TAOK1: variants seen among roughly 807,000 people sequenced by gnomAD.
TAOK1 encodes TAO kinase 1.
TAOK1 carries 21 observed loss-of-function variants against 138.3 expected under a neutral mutation model. The observed-to-expected ratio is 0.15, with a 90% confidence interval of 0.11 to 0.22. The LOEUF (loss-of-function observed/expected upper bound fraction) is 0.22. Ranked by LOEUF, TAOK1 falls within the 10% of genes least tolerant of loss-of-function variation. The pLI is 1.00. For missense variants in TAOK1, 651 were observed against 1,227.7 expected, an observed-to-expected ratio of 0.53 and a Z score of 7.02; for synonymous variants, 361 against 398.4, an observed-to-expected ratio of 0.91 and a Z score of 1.12.
rs1395092656 is a variant in TAOK1, at chr17:29,550,787, GA to G, written c.*7766del. 1 of 152,270 alleles carries G rather than the reference GA, an allele frequency of 6.6e-6. No homozygotes were observed. Among genetic ancestry groups the G allele is most frequent in the East Asian group, 1.9e-4 (1 of 5,174 alleles). 9.4% of individuals were successfully genotyped at this position (152,270 alleles called of 1,614,324 possible). On this transcript the variant is annotated 3_prime_UTR_variant, in exon 20 of 20. Transcript: ENST00000261716. The stretch of plus-strand genomic sequence containing the variant: ...TCCCTTTGTTTTCCTCAAACAGCAT[GA>G]TTTTTTTGCACATGTAGAAATTTTT...
chr17:29,475,050 C>T (rs900580670), intron 3 of TAOK1, among the ~76,000 whole-genome samples: 6 of 152,042 alleles, frequency 3.9e-5, no homozygotes, highest in Non-Finnish European at 7.4e-5. Context: ...AAGCTATTCT[C>T]CTGCCTCAGC....
At position 29,489,725 on chromosome 17, in the gene TAOK1, A is replaced by G. The variant is rs763897466; in HGVS notation, c.717A>G (p.Gln239=). The G allele has an allele frequency of 7.4e-6, 12 of 1,611,156 alleles. No individual in the cohort carries two copies. In the South Asian group the frequency reaches 1.3e-4, roughly 18 times the overall value. ...TGAGTGCCTTATATCACATAGCCCA[A>G]AATGAATCCCCTACACTACAGTCTA... ...NAMSALYHIA[Q]NESPTLQSNE... is the part of the protein sequence containing the mutation. The change falls in exon 9 of 20, where the codon CAA becomes CAG. Residue 239 remains glutamine, a synonymous_variant. Coordinates refer to ENST00000261716, the MANE Select transcript of TAOK1 (RefSeq NM_020791.4).
chr17:29,528,578 G>A (rs1476713041), intron 17 of TAOK1, among the ~76,000 whole-genome samples: 1 of 152,012 alleles, frequency 6.6e-6, no homozygotes, highest in Non-Finnish European at 1.5e-5. Flanking sequence ...AGTGGCTTAT[G>A]CCTGTAATCC....
intron 13 of TAOK1, among the ~76,000 whole-genome samples, chr17:29,504,439 G>T (rs1464770916): frequency 6.6e-6 from 1 of 152,020 alleles, no homozygotes; most frequent in Non-Finnish European, 1.5e-5. Flanking sequence ...GGAGGCTGAG[G>T]CGGGTGGATC....
chr17:29,460,411 C>T (rs769278241), intron 2 of TAOK1, among the ~76,000 whole-genome samples: 5 of 152,060 alleles, frequency 3.3e-5, no homozygotes, highest in South Asian at 2.1e-4. Context: ...AGGCTGGTCT[C>T]GAACTCCTGA....
At chr17:29,497,868 T>G (rs1293387990) in intron 11 of TAOK1, among the ~76,000 whole-genome samples, 2 of 151,516 alleles carry the variant, frequency 1.3e-5, no homozygotes, top group South Asian at 4.2e-4. Flanking sequence ...ATGCTCCTTA[T>G]GGAGCAGGGC....
intron 1 of TAOK1, among the ~76,000 whole-genome samples, chr17:29,430,328 G>A (rs1187948721): frequency 6.6e-6 from 1 of 152,174 alleles, no homozygotes; most frequent in African/African-American, 2.4e-5. Context: ...CTCACCTCAT[G>A]TAACTGAAGG....
chr17:29,433,257 C>T (rs1213433277), intron 1 of TAOK1, among the ~76,000 whole-genome samples: 1 of 151,846 alleles, frequency 6.6e-6, no homozygotes, highest in Non-Finnish European at 1.5e-5. Flanking sequence ...ATGGTGAAAC[C>T]CTGTCTCTAC....
chr17:29,542,166 C>T (rs1018943815), intron 19 of TAOK1, among the ~76,000 whole-genome samples: 2 of 152,116 alleles, frequency 1.3e-5, no homozygotes, highest in Non-Finnish European at 2.9e-5. Context: ...CGTGAGCCAC[C>T]GCGCCCGGCC....
intron 2 of TAOK1, 78 bp downstream of exon 2, chr17:29,451,758 A>C (rs2030242723): frequency 6.6e-7 from 1 of 1,506,220 alleles, no homozygotes; most frequent in African/African-American, 1.4e-5. Context: ...ATAGTAATGA[A>C]AAGAGATATA....
At chr17:29,413,733 A>G (rs1305082506) in intron 1 of TAOK1, among the ~76,000 whole-genome samples, 1 of 152,128 alleles carries the variant, frequency 6.6e-6, no homozygotes, top group East Asian at 1.9e-4. Flanking sequence ...CCCTGCACCC[A>G]TTTATTATAG....
At chr17:29,399,009 A>G (rs1904752777) in intron 1 of TAOK1, among the ~76,000 whole-genome samples, 1 of 144,848 alleles carries the variant, frequency 6.9e-6, no homozygotes, top group Non-Finnish European at 1.5e-5. Context: ...TTTTTGAGAC[A>G]GGGTCTCACT....
intron 18 of TAOK1, among the ~76,000 whole-genome samples, chr17:29,533,263 C>T (rs1031270319): frequency 6.7e-6 from 1 of 149,330 alleles, no homozygotes; most frequent in African/African-American, 2.5e-5. Flanking sequence ...CAGAGACGCT[C>T]CTCACTTCCT....
intron 17 of TAOK1, among the ~76,000 whole-genome samples, chr17:29,527,315 A>T (rs904881020): frequency 1.3e-5 from 2 of 152,062 alleles, no homozygotes; most frequent in African/African-American, 4.8e-5. Context: ...AAGATTCAAA[A>T]GCCAGGCGTG....
chr17:29,428,370 G>A (rs561411225), intron 1 of TAOK1, among the ~76,000 whole-genome samples: 1 of 152,172 alleles, frequency 6.6e-6, no homozygotes, highest in Non-Finnish European at 1.5e-5. Context: ...TAAACAAAAA[G>A]TAGTGGCAGT....
intron 1 of TAOK1, among the ~76,000 whole-genome samples, chr17:29,438,487 A>G (rs1906108108): frequency 2.0e-5 from 3 of 152,180 alleles, no homozygotes; most frequent in Admixed American, 2.0e-4. Context: ...AAGTTCGAGA[A>G]TAGCGTGGGT....
rs927109603 is a variant in TAOK1, at chr17:29,538,852, AAGT to A, written c.2545-3703_2545-3701del. On this transcript the variant is annotated intron_variant, in intron 19 of 19. Coordinates refer to ENST00000261716, the MANE Select transcript of TAOK1 (RefSeq NM_020791.4). ...TATATGTGAAATATATATATATGAA[AAGT>A]AGTAGCATTTCCAGAGTATAAATGA... Among the ~76,000 whole-genome samples, 13 of 152,334 alleles carry A rather than the reference AAGT, an allele frequency of 8.5e-5. No homozygotes were observed. In the East Asian group the frequency reaches 1.9e-3, roughly 23 times the overall value.
At chr17:29,453,401 TACTA>T (rs2030293212) in intron 2 of TAOK1, among the ~76,000 whole-genome samples, 1 of 152,038 alleles carries the variant, frequency 6.6e-6, no homozygotes, top group Non-Finnish European at 1.5e-5. Flanking sequence ...AGGCACGTGC[TACTA>T]ACCCCTGGCT....
Position 29,507,851 on chromosome 17 carries a change from GAAT to G in TAOK1, c.1339-44_1339-42del, listed in dbSNP as rs748448054. On this transcript the variant is annotated intron_variant, in intron 13 of 19. Coordinates refer to ENST00000261716, the MANE Select transcript of TAOK1 (RefSeq NM_020791.4). ...ATTGTCTAAAATGCTTTTCGAAGAA[GAAT>G]GTTTTATTTTCTTCTTTTCCTTACA... 1.2e-5 allele frequency: 19 copies of G among 1,557,868 alleles called. No homozygotes were observed. The South Asian group carries it at 2.1e-4, about 17-fold the overall frequency.
Sources: gnomAD v4.1 joint callset for allele counts (sites outside exome capture counted in the v4.1 genomes callset) on GRCh38, gnomAD v4.1.1 for gene constraint, MANE v1.5 for transcripts, NCBI Gene and HGNC (gene_info 2026-07-23, HGNC 2026-07-21) for gene names.